ZNF704: variants seen among roughly 807,000 people sequenced by gnomAD.
ZNF704 encodes the protein glucocorticoid induced gene 1.
In ZNF704, 10 loss-of-function variants were observed where a neutral mutation model predicts 44.7. The ratio of observed to expected loss-of-function variants is 0.22; its 90% CI spans 0.14 to 0.38. The LOEUF is 0.38. ZNF704 is among the 10% of genes least tolerant of loss of function. ZNF704 has a pLI of 1.00. For synonymous variants in ZNF704, 211 were observed against 207.6 expected, an observed-to-expected ratio of 1.02 and a Z score of -0.14; for missense variants, 390 against 545.5, an observed-to-expected ratio of 0.71 and a Z score of 2.84.
intron 4 of ZNF704, among the ~76,000 whole-genome samples, chr8:80,678,099 A>G (rs936032794): frequency 6.6e-6 from 1 of 152,228 alleles, no homozygotes; most frequent in Admixed American, 6.5e-5. Flanking sequence ...TGAGTTCACC[A>G]CCAGACAATG....
At chr8:80,774,197 G>C (rs1047043574) in intron 2 of ZNF704, among the ~76,000 whole-genome samples, 2 of 151,980 alleles carry the variant, frequency 1.3e-5, no homozygotes, top group Non-Finnish European at 2.9e-5. Context: ...TCCAGTAGCT[G>C]GGACTACAGG....
intron 2 of ZNF704, among the ~76,000 whole-genome samples, chr8:80,710,660 T>C (rs978320040): frequency 6.6e-6 from 1 of 152,152 alleles, no homozygotes; most frequent in African/African-American, 2.4e-5. Flanking sequence ...CTCCTCTCTC[T>C]ACCGTGTGAG....
chr8:80,654,272 A>G (rs1585925799), intron 7 of ZNF704, among the ~76,000 whole-genome samples: 2 of 152,036 alleles, frequency 1.3e-5, no homozygotes, highest in African/African-American at 4.8e-5. Context: ...TTCAGGACAT[A>G]GGCATGGACA....
intron 2 of ZNF704, among the ~76,000 whole-genome samples, chr8:80,755,283 G>T (rs1807016516): frequency 6.6e-6 from 1 of 152,092 alleles, no homozygotes; most frequent in African/African-American, 2.4e-5. Flanking sequence ...TGGCCAACAG[G>T]GTGAAACCCT....
chr8:80,756,927 T>C (rs188494387), intron 2 of ZNF704, among the ~76,000 whole-genome samples: 35 of 152,312 alleles, frequency 2.3e-4, no homozygotes, highest in Admixed American at 5.2e-4. Flanking sequence ...GCAAGTATTA[T>C]GAAGTCTCTC....
upstream of ZNF704, among the ~76,000 whole-genome samples, chr8:80,876,453 G>A (rs1412459642): frequency 6.6e-6 from 1 of 152,170 alleles, no homozygotes; most frequent in African/African-American, 2.4e-5. Flanking sequence ...GAGGCAGCAG[G>A]ATCTTTCTCT....
intron 7 of ZNF704, among the ~76,000 whole-genome samples, chr8:80,651,444 T>G (rs1348571426): frequency 1.4e-5 from 2 of 144,618 alleles, no homozygotes; most frequent in South Asian, 2.2e-4. Context: ...GAGACACACA[T>G]AGGCTCAAAA....
At chr8:80,760,608 AT>A (rs1807112670) in intron 2 of ZNF704, among the ~76,000 whole-genome samples, 1 of 138,316 alleles carries the variant, frequency 7.2e-6, no homozygotes, top group African/African-American at 2.7e-5. Context: ...GTGAGCCGAG[AT>A]TGTGTCACTG....
chr8:80,840,249 G>A (rs1296180153), intron 1 of ZNF704, among the ~76,000 whole-genome samples: 2 of 152,202 alleles, frequency 1.3e-5, no homozygotes, highest in Admixed American at 6.5e-5. Context: ...ATGAGGTCCA[G>A]GATGGCTTTG....
At chr8:80,748,160 G>A (rs989248988) in intron 2 of ZNF704, among the ~76,000 whole-genome samples, 8 of 152,108 alleles carry the variant, frequency 5.3e-5, no homozygotes, top group Admixed American at 3.9e-4. Flanking sequence ...GATGTTTCCT[G>A]GATTGTCAGA....
intron 2 of ZNF704, among the ~76,000 whole-genome samples, chr8:80,723,672 T>C (rs1258374881): frequency 1.3e-5 from 2 of 152,234 alleles, no homozygotes; most frequent in Non-Finnish European, 2.9e-5. Flanking sequence ...AAAATATCAA[T>C]ATTACATCCT....
intron 2 of ZNF704, among the ~76,000 whole-genome samples, chr8:80,707,104 A>G (rs142554259): frequency 2.2e-3 from 330 of 152,316 alleles, no homozygotes; most frequent in Middle Eastern, 3.4e-3. Flanking sequence ...TTTTATAAAC[A>G]TGGAGACTTT....
the ZNF704 span, among the ~76,000 whole-genome samples, chr8:80,882,152 G>C: frequency 6.6e-6 from 1 of 152,172 alleles, no homozygotes; most frequent in Non-Finnish European, 1.5e-5. Flanking sequence ...AGTAGAATCA[G>C]TTGGTCAAAT....
At chr8:80,705,309 G>A (rs1021614074) in intron 2 of ZNF704, among the ~76,000 whole-genome samples, 2 of 152,086 alleles carry the variant, frequency 1.3e-5, no homozygotes, top group African/African-American at 4.8e-5. Context: ...GTGTATATCT[G>A]CGTCTATGTC....
intron 2 of ZNF704, among the ~76,000 whole-genome samples, chr8:80,727,684 C>T (rs1351105243): frequency 6.6e-6 from 1 of 152,024 alleles, no homozygotes; most frequent in African/African-American, 2.4e-5. Flanking sequence ...CATGAGACCC[C>T]GCCCCGATGA....
chr8:80,645,148 A>C, intron 7 of ZNF704: 1 of 1,606,266 alleles, frequency 6.2e-7, no homozygotes, highest in Non-Finnish European at 8.5e-7. Flanking sequence ...TATTTGTCCA[A>C]ATAGTAAATT....
At chr8:80,654,654 T>C (rs1275615366) in intron 7 of ZNF704, among the ~76,000 whole-genome samples, 2 of 152,036 alleles carry the variant, frequency 1.3e-5, no homozygotes, top group Admixed American at 6.6e-5. Context: ...CCATCTCACA[T>C]CAGTTAGAAT....
At chr8:80,729,444 C>T (rs1250560874) in intron 2 of ZNF704, among the ~76,000 whole-genome samples, 1 of 152,100 alleles carries the variant, frequency 6.6e-6, no homozygotes, top group Non-Finnish European at 1.5e-5. Context: ...GAACCTACTG[C>T]CTGGCGTGCA....
At chr8:80,776,299 A>G (rs978111817) in intron 2 of ZNF704, among the ~76,000 whole-genome samples, 4 of 152,224 alleles carry the variant, frequency 2.6e-5, no homozygotes, top group Non-Finnish European at 4.4e-5. Flanking sequence ...TTCTTTCCCA[A>G]TAGAGTTGTA....
Sources: allele counts gnomAD v4.1 joint callset (sites outside exome capture counted in the v4.1 genomes callset), GRCh38; gene constraint gnomAD v4.1.1; transcripts MANE v1.5; gene names NCBI Gene and HGNC (gene_info 2026-07-23, HGNC 2026-07-21).